The following SLC8A3 variants were observed in gnomAD, a reference collection of about 807,000 sequenced individuals.
SLC8A3 encodes sodium/calcium exchanger 3.
Under a neutral mutation model 65.4 loss-of-function variants are expected in SLC8A3, and 37 were observed. The observed-to-expected ratio is 0.57, with a 90% CI of 0.44 to 0.74. The LOEUF (loss-of-function observed/expected upper bound fraction) is 0.74, where lower values mean the gene tolerates loss of function less well. SLC8A3 is among the 30% of genes least tolerant of loss of function. SLC8A3 has a pLI of 0.00. For missense variants in SLC8A3, 1,112 were observed against 1,172.1 expected, an observed-to-expected ratio of 0.95 and a Z score of 0.75; for synonymous variants, 461 against 444.5, an observed-to-expected ratio of 1.04 and a Z score of -0.47.
rs775352761 is a variant in SLC8A3 at position 70,187,639 on chromosome 14, G to GTGTGTGTGTGTGTT, written c.-63+739_-63+740insAACACACACACACA. On this transcript the variant is annotated intron_variant, in intron 1 of 6. Coordinates refer to ENST00000356921, the MANE Select transcript of SLC8A3 (RefSeq NM_182932.3). ...TGTGTGTGTGTGTGTGTGTGTGTGT[G>GTGTGTGTGTGTGTT]TCCGCGCGCGCGTGTGTGTTGGGGG... is the stretch of plus-strand genomic sequence containing the variant. Among the ~76,000 whole-genome samples the GTGTGTGTGTGTGTT allele has an allele frequency of 3.3e-3, 422 of 128,108 alleles. 14 individuals carry two copies. The highest frequency in any genetic ancestry group is 4.5e-3 in the Admixed American group (59 of 13,204). The allele number at this position is 128,108 out of a possible 152,430, so 84.0% of individuals were successfully genotyped here. A position where few individuals can be genotyped will look rare whatever the true frequency, so the allele number is the denominator to read the frequency against.
intron 2 of SLC8A3, among the ~76,000 whole-genome samples, chr14:70,145,271 C>T (rs991438817): frequency 3.3e-5 from 5 of 152,228 alleles, no homozygotes; most frequent in African/African-American, 1.2e-4. Context: ...GAATCCCTCA[C>T]CTACTTCCAA....
chr14:70,180,863 A>G (rs186342152), intron 1 of SLC8A3, among the ~76,000 whole-genome samples: 82 of 152,208 alleles, frequency 5.4e-4, no homozygotes, highest in African/African-American at 1.9e-3. Context: ...CCCTTGAGGC[A>G]CTCTAACCAG....
At chr14:70,126,156 A>G (rs1470569956) in intron 2 of SLC8A3, among the ~76,000 whole-genome samples, 1 of 152,096 alleles carries the variant, frequency 6.6e-6, no homozygotes, top group Non-Finnish European at 1.5e-5. Context: ...AGCCTAATGT[A>G]TTTTCTTTCA....
At chr14:70,161,154 T>TA (rs1464918883) in intron 2 of SLC8A3, among the ~76,000 whole-genome samples, 1 of 146,480 alleles carries the variant, frequency 6.8e-6, no homozygotes, top group Non-Finnish European at 1.5e-5. Flanking sequence ...TATATATGTA[T>TA]AATATATATA....
chr14:70,059,991 C>T (rs976203175), intron 3 of SLC8A3, among the ~76,000 whole-genome samples: 2 of 152,152 alleles, frequency 1.3e-5, no homozygotes, highest in African/African-American at 4.8e-5. Flanking sequence ...AGGCACCCAA[C>T]CTTGGGCTAG....
At chr14:70,176,555 T>C (rs2140415552) in intron 1 of SLC8A3, among the ~76,000 whole-genome samples, 1 of 152,350 alleles carries the variant, frequency 6.6e-6, no homozygotes, top group East Asian at 1.9e-4. Flanking sequence ...GCATCCCAGG[T>C]ATTCCAGCCA....
At chr14:70,059,441 C>T (rs1888518183) in intron 3 of SLC8A3, 1 of 152,176 alleles carries the variant, frequency 6.6e-6, no homozygotes, top group Non-Finnish European at 1.5e-5. Flanking sequence ...GCATATCTCT[C>T]CTGAATGGGA....
intron 2 of SLC8A3, among the ~76,000 whole-genome samples, chr14:70,105,096 G>A (rs377323787): frequency 1.9e-4 from 29 of 152,296 alleles, no homozygotes; most frequent in African/African-American, 6.0e-4. Context: ...TTGGGAGGCC[G>A]AGGCAGGTGG....
At chr14:70,182,194 G>C (rs183508099) in intron 1 of SLC8A3, among the ~76,000 whole-genome samples, 1 of 152,158 alleles carries the variant, frequency 6.6e-6, no homozygotes, top group East Asian at 1.9e-4. Context: ...GAGAAAGTGG[G>C]AAGTCAGGAG....
chr14:70,143,342 G>C (rs74063891), intron 2 of SLC8A3, among the ~76,000 whole-genome samples: 2 of 152,184 alleles, frequency 1.3e-5, no homozygotes, highest in Non-Finnish European at 2.9e-5. Context: ...AAGCCATTTA[G>C]TAACTTGCCT....
intron 2 of SLC8A3, chr14:70,080,051 G>A: frequency 2.0e-6 from 2 of 976,590 alleles, no homozygotes; most frequent in African/African-American, 3.5e-5. Context: ...AGAAAGCACA[G>A]GCAGCAGGCT....
chr14:70,076,423 C>T (rs1356500901), intron 2 of SLC8A3, among the ~76,000 whole-genome samples: 1 of 152,180 alleles, frequency 6.6e-6, no homozygotes, highest in African/African-American at 2.4e-5. Flanking sequence ...GGCACATAGA[C>T]CACACGCAAT....
chr14:70,174,413 C>T (rs1897738424), intron 1 of SLC8A3, among the ~76,000 whole-genome samples: 2 of 152,150 alleles, frequency 1.3e-5, no homozygotes, highest in South Asian at 4.1e-4. Flanking sequence ...TAGATGATCG[C>T]TATAGTTCCT....
chr14:70,156,384 A>G (rs1896575585), intron 2 of SLC8A3, among the ~76,000 whole-genome samples: 1 of 152,194 alleles, frequency 6.6e-6, no homozygotes. Flanking sequence ...GGAGACTCCT[A>G]GTTTCTTCAC....
intron 3 of SLC8A3, among the ~76,000 whole-genome samples, chr14:70,057,294 G>GA (rs1555368968): frequency 1.3e-5 from 2 of 149,464 alleles, no homozygotes; most frequent in Non-Finnish European, 3.0e-5. Context: ...AGGCAGATAG[G>GA]TAGATAGATA....
chr14:70,167,524 T>C lies in SLC8A3; in HGVS notation c.899A>G (p.Asn300Ser). The C allele has an allele frequency of 1.2e-6, 2 of 1,614,024 alleles. No individual in the cohort carries two copies. Among genetic ancestry groups the C allele is most frequent in the Non-Finnish European group, 1.7e-6 (2 of 1,180,004 alleles). Residue 300 changes from asparagine (N) to serine (S), a missense_variant, in exon 2 of 7, where the codon AAC becomes AGC. Transcript: ENST00000356921. ...TTCCTTCCCTTCCAGGGGCACCAGG[T>C]TCCCATCTAGAAAATGGGAATTCAT... ...KMMNSHFLDG[N>S]LVPLEGKEVD...
At chr14:70,181,036 G>A (rs1882705992) in intron 1 of SLC8A3, among the ~76,000 whole-genome samples, 1 of 152,208 alleles carries the variant, frequency 6.6e-6, no homozygotes, top group Admixed American at 6.5e-5. Flanking sequence ...GAGACAATCT[G>A]TATGCTATGA....
At chr14:70,091,055 TA>T (rs1178882450) in intron 2 of SLC8A3, among the ~76,000 whole-genome samples, 1 of 152,180 alleles carries the variant, frequency 6.6e-6, no homozygotes, top group Non-Finnish European at 1.5e-5. Flanking sequence ...AGGGATTTCA[TA>T]AACCTCAGAA....
intron 2 of SLC8A3, among the ~76,000 whole-genome samples, chr14:70,122,345 TCAGACA>T (rs1894127742): frequency 6.6e-6 from 1 of 152,206 alleles, no homozygotes; most frequent in Admixed American, 6.5e-5. Flanking sequence ...TGTTTCTGAC[TCAGACA>T]CACCCATGGG....
Sources: allele counts gnomAD v4.1 joint callset (sites outside exome capture counted in the v4.1 genomes callset), GRCh38; gene constraint gnomAD v4.1.1; transcripts MANE v1.5; gene names NCBI Gene and HGNC (gene_info 2026-07-23, HGNC 2026-07-21).